Variants in RSPO2 observed in about 807,000 individuals in gnomAD.
The protein encoded by RSPO2 is R-spondin 2.
RSPO2 carries 14 observed loss-of-function variants against 30.9 expected under a neutral mutation model. The observed-to-expected ratio is 0.45, with a 90% CI of 0.30 to 0.71. RSPO2 has a LOEUF of 0.71. Among genes scored for constraint, RSPO2 ranks in the 30% least tolerant of loss-of-function variants. The pLI, the probability that RSPO2 is intolerant of heterozygous loss-of-function variation, is 0.08. For synonymous variants in RSPO2, 107 were observed against 96.4 expected (o/e 1.11, Z -0.64); for missense variants, 264 against 301.9 (o/e 0.87, Z 0.93).
intron 5 of RSPO2, among the ~76,000 whole-genome samples, chr8:107,957,607 T>A (rs940049186): frequency 6.6e-6 from 1 of 152,208 alleles, no homozygotes; most frequent in Non-Finnish European, 1.5e-5. Flanking sequence ...CAATGTTTAT[T>A]CCTCTCAGTG....
chr8:107,903,707 C>G (rs1811548727), intron 5 of RSPO2, among the ~76,000 whole-genome samples: 1 of 151,956 alleles, frequency 6.6e-6, no homozygotes, highest in African/African-American at 2.4e-5. Context: ...GTTTGGGGGC[C>G]CTAATTACAA....
Position 108,080,530 on chromosome 8 carries a change from A to T in RSPO2, c.94+2015T>A, listed in dbSNP as rs981405873. Among the ~76,000 whole-genome samples, 48 of 152,298 alleles carry T rather than the reference A, an allele frequency of 3.2e-4. 1 individual carries two copies. The highest frequency in any genetic ancestry group is 4.1e-4 in the South Asian group (2 of 4,828). ...TTTGCTAAAAGTAAGCTTTGAAATA[A>T]ATAGGTTCTGCTTCAGATACCTAAG... On this transcript the variant is annotated intron_variant, in intron 2 of 5. Transcript: ENST00000276659.
At chr8:107,921,964 G>A (rs1022388467) in intron 5 of RSPO2, among the ~76,000 whole-genome samples, 11 of 152,040 alleles carry the variant, frequency 7.2e-5, no homozygotes, top group African/African-American at 2.7e-4. Flanking sequence ...AATAATAAGA[G>A]CCATCTATGA....
chr8:108,020,365 C>G (rs1811021267), intron 2 of RSPO2, among the ~76,000 whole-genome samples: 1 of 152,218 alleles, frequency 6.6e-6, no homozygotes, highest in Admixed American at 6.5e-5. Context: ...TCATTCTCCA[C>G]TATACAATCA....
chr8:107,925,174 G>T (rs1012776946), intron 5 of RSPO2, among the ~76,000 whole-genome samples: 1 of 151,778 alleles, frequency 6.6e-6, no homozygotes, highest in Admixed American at 6.6e-5. Context: ...GATGTCAGGG[G>T]TAAAAGACTA....
chr8:108,001,040 A>T (rs1815227951), intron 2 of RSPO2, among the ~76,000 whole-genome samples: 1 of 151,106 alleles, frequency 6.6e-6, no homozygotes, highest in Non-Finnish European at 1.5e-5. Context: ...ATAATAAAAA[A>T]AATTAGCCAG....
intron 2 of RSPO2, among the ~76,000 whole-genome samples, chr8:108,070,450 G>A (rs530686311): frequency 7.4e-4 from 113 of 151,698 alleles, no homozygotes; most frequent in African/African-American, 2.3e-3. Context: ...CCGCCACCGC[G>A]CCCGGCTAAT....
chr8:107,947,311 C>A (rs1813095960), intron 5 of RSPO2, among the ~76,000 whole-genome samples: 1 of 152,082 alleles, frequency 6.6e-6, no homozygotes, highest in Non-Finnish European at 1.5e-5. Context: ...GTTAACATGG[C>A]AAGCTAGAAA....
At chr8:108,049,741 T>C (rs1812021293) in intron 2 of RSPO2, among the ~76,000 whole-genome samples, 1 of 152,168 alleles carries the variant, frequency 6.6e-6, no homozygotes, top group Non-Finnish European at 1.5e-5. Context: ...ACTCATTCTT[T>C]TTTATGGCTA....
At chr8:108,000,534 G>GTT (rs538349990) in intron 2 of RSPO2, among the ~76,000 whole-genome samples, 44 of 151,130 alleles carry the variant, frequency 2.9e-4, no homozygotes, top group Middle Eastern at 3.4e-3. Context: ...AGAGTTTTGT[G>GTT]TTTTTTTTTT....
At chr8:107,988,173 A>G (rs899912308) in intron 3 of RSPO2, among the ~76,000 whole-genome samples, 3 of 152,118 alleles carry the variant, frequency 2.0e-5, no homozygotes, top group Non-Finnish European at 4.4e-5. Flanking sequence ...CACCCTCATT[A>G]CTATGTACAA....
chr8:108,039,687 C>T (rs1369157879), intron 2 of RSPO2, among the ~76,000 whole-genome samples: 1 of 152,160 alleles, frequency 6.6e-6, no homozygotes, highest in Non-Finnish European at 1.5e-5. Flanking sequence ...GGCCTCAACT[C>T]TGTCTCTTCC....
chr8:108,054,101 T>A (rs1331865598), intron 2 of RSPO2, among the ~76,000 whole-genome samples: 1 of 152,164 alleles, frequency 6.6e-6, no homozygotes, highest in Non-Finnish European at 1.5e-5. Flanking sequence ...GACACTCTCC[T>A]GGGCACTGGT....
chr8:108,030,079 G>A (rs1234067828), intron 2 of RSPO2, among the ~76,000 whole-genome samples: 1 of 133,610 alleles, frequency 7.5e-6, no homozygotes, highest in Non-Finnish European at 1.6e-5. Flanking sequence ...TACCTGGGTT[G>A]TAGAGAGAAG....
intron 5 of RSPO2, among the ~76,000 whole-genome samples, chr8:107,933,129 T>A (rs1343792277): frequency 2.0e-5 from 3 of 152,154 alleles, no homozygotes; most frequent in African/African-American, 7.2e-5. Flanking sequence ...ACAGCCATGA[T>A]GCAACTTTCT....
intron 2 of RSPO2, among the ~76,000 whole-genome samples, chr8:108,074,828 T>A (rs1812962115): frequency 6.6e-6 from 1 of 152,190 alleles, no homozygotes; most frequent in African/African-American, 2.4e-5. Context: ...GCAGCTCACC[T>A]TCTGTATACG....
At chr8:107,944,373 G>A (rs1812989733) in intron 5 of RSPO2, among the ~76,000 whole-genome samples, 1 of 152,096 alleles carries the variant, frequency 6.6e-6, no homozygotes, top group Non-Finnish European at 1.5e-5. Flanking sequence ...TATATAATTT[G>A]TATATCTAAA....
At chr8:108,031,512 C>T (rs559100157) in intron 2 of RSPO2, among the ~76,000 whole-genome samples, 47 of 152,116 alleles carry the variant, frequency 3.1e-4, no homozygotes, top group Non-Finnish European at 5.1e-4. Context: ...TAAAACTTTA[C>T]GTTTGCAAAA....
At chr8:107,905,085 G>A (rs529440087) in intron 5 of RSPO2, among the ~76,000 whole-genome samples, 2 of 152,152 alleles carry the variant, frequency 1.3e-5, no homozygotes, top group South Asian at 2.1e-4. Context: ...TACATGAAGC[G>A]GTGCAAATGC....
Sources: allele counts gnomAD v4.1 joint callset (sites outside exome capture counted in the v4.1 genomes callset), GRCh38; gene constraint gnomAD v4.1.1; transcripts MANE v1.5; gene names NCBI Gene and HGNC (gene_info 2026-07-23, HGNC 2026-07-21).